The following DCTN2 variants were observed in gnomAD, a reference collection of about 807,000 sequenced individuals.
The protein encoded by DCTN2 is dynactin subunit 2, also known as 50 kDa dynein-associated polypeptide.
Under a neutral mutation model 55.4 loss-of-function variants are expected in DCTN2, and 18 were observed. The ratio of observed to expected loss-of-function variants is 0.32; its 90% CI spans 0.22 to 0.48. The LOEUF is 0.48. Ranked by LOEUF, DCTN2 falls within the 20% of genes least tolerant of loss-of-function variation. DCTN2 has a pLI of 0.99. For missense variants in DCTN2, 390 were observed against 491.0 expected, an observed-to-expected ratio of 0.79 and a Z score of 1.94; for synonymous variants, 168 against 185.2, an observed-to-expected ratio of 0.91 and a Z score of 0.76.
At chr12:57,542,710 T>G in intron 2 of DCTN2, 1 of 436,008 alleles carries the variant, frequency 2.3e-6, no homozygotes, top group Non-Finnish European at 4.6e-6. Context: ...TTCCAGCTAC[T>G]TGGGAGGCTG....
At chr12:57,533,116 A>C (rs146253880) in intron 8 of DCTN2, 94 bp from the exon 9 acceptor site, 1 of 1,560,068 alleles carries the variant, frequency 6.4e-7, no homozygotes, top group African/African-American at 1.4e-5. Flanking sequence ...GGAACCCACT[A>C]GCTGATCCCT....
intron 13 of DCTN2, among the ~76,000 whole-genome samples, chr12:57,531,445 A>T (rs142468486): frequency 1.3e-5 from 2 of 152,292 alleles, no homozygotes; most frequent in African/African-American, 4.8e-5. Flanking sequence ...TGAGCCCGGG[A>T]GGTGGAGGCT....
intron 9 of DCTN2, 39 bp from the exon 10 acceptor site, chr12:57,532,849 A>G: frequency 1.2e-6 from 2 of 1,612,168 alleles, no homozygotes. Flanking sequence ...TGAAGAGGAA[A>G]GGCAGACTAG....
chr12:57,535,037 G>A lies in DCTN2; in HGVS notation c.363+19C>T. On this transcript the variant is annotated intron_variant, in intron 5 of 13. Transcript: ENST00000548249. Reference sequence around the variant, plus strand: ...TGTGTAAGTCACAGCAGAGAAGGGAGAAGAGAGTTTGTAGTTACCTTGATT... The same window carrying A: ...TGTGTAAGTCACAGCAGAGAAGGGAAAAGAGAGTTTGTAGTTACCTTGATT... The A allele has an allele frequency of 6.3e-7, 1 of 1,587,190 alleles. No individual in the cohort carries two copies. Among genetic ancestry groups the A allele is most frequent in the Non-Finnish European group, 8.6e-7 (1 of 1,156,892 alleles).
At chr12:57,531,909 CACA>C in intron 13 of DCTN2, 103 bp downstream of exon 13, 2 of 1,501,368 alleles carry the variant, frequency 1.3e-6, no homozygotes, top group Non-Finnish European at 1.8e-6. Context: ...AACCCCCTGC[CACA>C]ACACCATGCT....
In DCTN2 at chr12:57,538,396, GA is replaced by G. The variant is rs755346996; in HGVS notation, c.106-2552del. Reference sequence around the variant, plus strand: ...ATAATTACAGTGACTTGTGAGATAGGAAAAGGCTGGGTGTGGGACTGAATAG... The same window carrying G: ...ATAATTACAGTGACTTGTGAGATAGGAAAGGCTGGGTGTGGGACTGAATAG... On this transcript the variant is annotated intron_variant, in intron 2 of 13. Transcript: ENST00000548249. 2.9e-5 allele frequency: 20 copies of G among 691,010 alleles called. No homozygotes were observed. The East Asian group carries it at 4.6e-4, about 16-fold the overall frequency. The allele number at this position is 691,010 out of a possible 1,614,324, so 42.8% of individuals were successfully genotyped here.
intron 11 of DCTN2, 48 bp from the exon 12 acceptor site, chr12:57,532,363 T>C (rs1200703431): frequency 1.3e-6 from 2 of 1,483,692 alleles, no homozygotes; most frequent in Non-Finnish European, 1.8e-6. Flanking sequence ...GGCAGCCAGG[T>C]CAGTATGTAC....
rs374562277 is a variant in DCTN2, at chr12:57,535,793, G to A, written c.158C>T (p.Ala53Val). 35 of 1,613,734 alleles carry A rather than the reference G, an allele frequency of 2.2e-5. No homozygotes were observed. Among genetic ancestry groups the A allele is most frequent in the African/African-American group, 5.3e-5 (4 of 74,892 alleles). ...VEHIIVNPNAAYDKFKDKRVG... is the reference protein window; with the variant it reads ...VEHIIVNPNAVYDKFKDKRVG... The stretch of plus-strand genomic sequence containing the variant: ...TCTCTTGTCCTTGAACTTGTCATAG[G>A]CAGCATTAGGATTGACAATGATGTG... Residue 53 changes from alanine (A) to valine (V), a missense_variant, in exon 3 of 14, where the codon GCC becomes GTC. This residue lies in a region of DCTN2 where 117 missense variants were observed against 187.8 expected (regional missense o/e 0.62). Coordinates refer to ENST00000548249, the MANE Select transcript of DCTN2 (RefSeq NM_001261413.2).
At chr12:57,543,468 C>T (rs1366017208) in intron 2 of DCTN2, among the ~76,000 whole-genome samples, 2 of 152,092 alleles carry the variant, frequency 1.3e-5, no homozygotes, top group African/African-American at 4.8e-5. Flanking sequence ...AGACAGGCTG[C>T]TGGTGAGATC....
chr12:57,542,559 T>C (rs1412341565), intron 2 of DCTN2, among the ~76,000 whole-genome samples: 1 of 152,174 alleles, frequency 6.6e-6, no homozygotes, highest in Admixed American at 6.5e-5. Flanking sequence ...AGCTCACGCC[T>C]GTAATCCCAG....
intron 2 of DCTN2, chr12:57,538,137 G>C (rs1880395313): frequency 2.9e-5 from 10 of 345,560 alleles, no homozygotes; most frequent in Non-Finnish European, 4.5e-5. Flanking sequence ...AGGGAAAGCG[G>C]GGAGTAGAAG....
intron 2 of DCTN2, chr12:57,540,131 T>C: frequency 1.1e-5 from 11 of 984,924 alleles, no homozygotes; most frequent in Admixed American, 6.2e-5. Flanking sequence ...TGTCTCTGCA[T>C]AGAGTGGGTG....
chr12:57,543,405 C>T (rs1880876149), intron 2 of DCTN2, among the ~76,000 whole-genome samples: 1 of 150,334 alleles, frequency 6.7e-6, no homozygotes. Context: ...AGCCACAAGA[C>T]AGGTCATGTG....
At position 57,534,106 on chromosome 12, in the gene DCTN2, G is replaced by A; in HGVS notation, c.525-9C>T. On this transcript the variant is annotated splice_polypyrimidine_tract_variant and intron_variant, in intron 6 of 13. Transcript: ENST00000548249. Reference sequence around the variant, plus strand: ...GCTGCAGTAGTAGGCGCCTAGTTAGGAGACCGAGTAATAATATCATGACTG... The same window carrying A: ...GCTGCAGTAGTAGGCGCCTAGTTAGAAGACCGAGTAATAATATCATGACTG... The A allele has an allele frequency of 1.9e-6, 3 of 1,584,658 alleles. No homozygotes were observed. Among genetic ancestry groups the A allele is most frequent in the Non-Finnish European group, 2.6e-6 (3 of 1,165,834 alleles).
chr12:57,537,514 G>C (rs1201356354), intron 2 of DCTN2, among the ~76,000 whole-genome samples: 1 of 151,990 alleles, frequency 6.6e-6, no homozygotes, highest in Non-Finnish European at 1.5e-5. Flanking sequence ...GTGTGAGGGG[G>C]ACATGGTGGG....
intron 2 of DCTN2, among the ~76,000 whole-genome samples, chr12:57,536,753 C>T (rs1009806394): frequency 2.0e-5 from 3 of 152,112 alleles, no homozygotes; most frequent in African/African-American, 7.2e-5. Flanking sequence ...TGTTCAGATT[C>T]CAGTGACAAC....
At chr12:57,546,360 C>A (rs907695430) in intron 1 of DCTN2, among the ~76,000 whole-genome samples, 20 of 152,094 alleles carry the variant, frequency 1.3e-4, no homozygotes, top group African/African-American at 4.6e-4. Flanking sequence ...TAGAGGCGGG[C>A]AGGTCCTTGG....
rs750011933 is a variant in DCTN2 at position 57,533,941 on chromosome 12, A to T, written c.669+12T>A. The T allele has an allele frequency of 1.4e-5, 22 of 1,601,204 alleles. No homozygotes were observed. Among genetic ancestry groups the T allele is most frequent in the Non-Finnish European group, 1.9e-5 (22 of 1,173,608 alleles). The stretch of plus-strand genomic sequence containing the variant: ...CCCTTGGCTTCCCAACCAACACTGT[A>T]TCCACACTTACTTTGGCAGCTTGAG... On this transcript the variant is annotated intron_variant, in intron 7 of 13. Transcript: ENST00000548249.
At chr12:57,532,942 T>C (rs1411451380) in intron 9 of DCTN2, 42 bp downstream of exon 9, 2 of 1,597,232 alleles carry the variant, frequency 1.3e-6, no homozygotes, top group Non-Finnish European at 1.7e-6. Flanking sequence ...AACCCAACTA[T>C]CCCCTCTGTG....
Sources: gnomAD v4.1 joint callset for allele counts (sites outside exome capture counted in the v4.1 genomes callset) on GRCh38, gnomAD v4.1.1 for gene constraint, gnomAD v4.1.1 regional missense constraint, MANE v1.5 for transcripts, NCBI Gene and HGNC (gene_info 2026-07-23, HGNC 2026-07-21) for gene names.